Variants in CLK3 observed in about 807,000 individuals in gnomAD.
CLK3 encodes the protein dual specificity protein kinase CLK3.
CLK3 carries 24 observed loss-of-function variants against 65.2 expected under a neutral mutation model. The observed-to-expected ratio is 0.37, with a 90% CI of 0.27 to 0.52. The LOEUF (loss-of-function observed/expected upper bound fraction) is 0.52, where lower values mean the gene tolerates loss of function less well. Among genes scored for constraint, CLK3 ranks in the 20% least tolerant of loss-of-function variants. The pLI, the probability that CLK3 is intolerant of heterozygous loss-of-function variation, is 0.92. For missense variants in CLK3, 506 were observed against 660.0 expected (o/e 0.77, Z 2.56); for synonymous variants, 252 against 240.8 (o/e 1.05, Z -0.43).
upstream of CLK3, among the ~76,000 whole-genome samples, chr15:74,611,288 T>A (rs987624695): frequency 6.6e-6 from 1 of 152,242 alleles, no homozygotes; most frequent in Non-Finnish European, 1.5e-5. Context: ...TGGCACCAGA[T>A]GTGGACACCA....
chr15:74,625,668 T>C (rs2141549243), intron 6 of CLK3, 134 bp from the exon 7 acceptor site: 1 of 866,040 alleles, frequency 1.2e-6, no homozygotes, highest in Non-Finnish European at 1.8e-6. Context: ...TGATTTCTCT[T>C]GCACTGTGTG....
chr15:74,617,035 GGAT>G (rs974576756), intron 1 of CLK3, among the ~76,000 whole-genome samples: 8 of 152,356 alleles, frequency 5.3e-5, no homozygotes, highest in African/African-American at 1.9e-4. Context: ...CTGGCTGGGA[GGAT>G]GATATCTGCT....
At chr15:74,626,877 C>A (rs866120296) in intron 7 of CLK3, 2 of 411,558 alleles carry the variant, frequency 4.9e-6, no homozygotes, top group Admixed American at 5.1e-5. Flanking sequence ...CCTGGGTATG[C>A]GACCTGTGCA....
At chr15:74,617,750 C>T (rs980000225) in intron 1 of CLK3, among the ~76,000 whole-genome samples, 13 of 152,328 alleles carry the variant, frequency 8.5e-5, no homozygotes, top group Non-Finnish European at 1.6e-4. Flanking sequence ...ACGACATGTG[C>T]CCTGGCCAAT....
chr15:74,627,003 T>G lies in CLK3; in HGVS notation c.818-349T>G, dbSNP rs563428732. The G allele has an allele frequency of 2.1e-6, 1 of 478,110 alleles. No homozygotes were observed. Among genetic ancestry groups the G allele is most frequent in the Admixed American group, 2.3e-5 (1 of 43,198 alleles). 29.6% of individuals were successfully genotyped at this position (478,110 alleles called of 1,614,324 possible). The stretch of plus-strand genomic sequence containing the variant: ...ATTTTGCAAAGGGCCCTGCAAATTA[T>G]GTAGCTGGTGCAGGGAAGAGGGAAC... On this transcript the variant is annotated intron_variant, in intron 7 of 12. Transcript: ENST00000395066. This position sits in a 1 kb window ranked among gnomAD's most constrained non-coding sequence, Gnocchi z 4.3.
At position 74,622,216 on chromosome 15, in the gene CLK3, T is replaced by C. The variant is rs755407836; in HGVS notation, c.466T>C (p.Tyr156His). The C allele has an allele frequency of 6.2e-7, 1 of 1,611,940 alleles. No homozygotes were observed. ...CRIGDWLQERYEIVGNLGEGT... is the reference protein window; with the variant it reads ...CRIGDWLQERHEIVGNLGEGT... Reference sequence around the variant, plus strand: ...GATCGGCGATTGGCTCCAAGAGCGATGTACAGCCACCTTTCGTAAAACTTT... The same window carrying C: ...GATCGGCGATTGGCTCCAAGAGCGACGTACAGCCACCTTTCGTAAAACTTT... Residue 156 changes from tyrosine to histidine, a missense_variant and splice_region_variant, in exon 4 of 13, where the codon TAT becomes CAT. Physicochemically the swap from Tyr to His is moderately conservative, Grantham distance 83. Transcript: ENST00000395066. The surrounding 1 kb of genome is among the most constrained non-coding windows in gnomAD (Gnocchi z 4.6).
At position 74,624,546 on chromosome 15, in the gene CLK3, T is replaced by TCATTAAGAA; in HGVS notation, c.534-356_534-355insCATTAAGAA. On this transcript the variant is annotated intron_variant, in intron 5 of 12. Coordinates refer to ENST00000395066, the MANE Select transcript of CLK3 (RefSeq NM_001130028.2). This position sits in a 1 kb window ranked among gnomAD's most constrained non-coding sequence, Gnocchi z 4.2. Reference sequence around the variant, plus strand: ...CTCGGTGGGACAGCCTGGCCAGGGTTGGGGCTGCCTGGCCTATAGGTTAGG... The same window carrying TCATTAAGAA: ...CTCGGTGGGACAGCCTGGCCAGGGTTCATTAAGAAGGGGCTGCCTGGCCTATAGGTTAGG... 1 of 203,948 alleles carries TCATTAAGAA rather than the reference T, an allele frequency of 4.9e-6. No individual in the cohort carries two copies. Among genetic ancestry groups the TCATTAAGAA allele is most frequent in the Admixed American group, 6.0e-5 (1 of 16,792 alleles). 12.6% of individuals were successfully genotyped at this position (203,948 alleles called of 1,614,324 possible). A position where few individuals can be genotyped will look rare whatever the true frequency, so the allele number is the denominator to read the frequency against.
chr15:74,613,648 AC>A (rs2062018946), upstream of CLK3: 1 of 152,210 alleles, frequency 6.6e-6, no homozygotes, highest in East Asian at 1.9e-4. Context: ...TGACTAACTT[AC>A]CCCATCAGAG....
intron 1 of CLK3, chr15:74,608,801 T>G (rs1016270217): frequency 1.3e-5 from 2 of 152,076 alleles, no homozygotes; most frequent in Non-Finnish European, 2.9e-5. Flanking sequence ...TCTGGGCCAT[T>G]CCCCCTCAGC....
chr15:74,628,338 C>T (rs115486150), intron 10 of CLK3, among the ~76,000 whole-genome samples: 3,464 of 152,130 alleles, frequency 0.023, 132 homozygotes, highest in African/African-American at 0.079. Context: ...CTAAAGGCAT[C>T]GGGATGGGCT....
At chr15:74,616,215 C>T (rs1410179074) in intron 1 of CLK3, among the ~76,000 whole-genome samples, 2 of 152,246 alleles carry the variant, frequency 1.3e-5, no homozygotes, top group Non-Finnish European at 2.9e-5. Flanking sequence ...GCCAGAGAAG[C>T]CCTTCAGACC....
At chr15:74,611,565 T>C (rs954520878), upstream of CLK3, among the ~76,000 whole-genome samples, 6 of 152,218 alleles carry the variant, frequency 3.9e-5, no homozygotes, top group African/African-American at 1.4e-4. Flanking sequence ...CAGGTCCTTC[T>C]CTGCCCGCCT....
At position 74,622,341 on chromosome 15, in the gene CLK3, G is replaced by C; in HGVS notation, c.466+125G>C. 2 of 1,043,290 alleles carry C rather than the reference G, an allele frequency of 1.9e-6. No individual in the cohort carries two copies. Among genetic ancestry groups the C allele is most frequent in the South Asian group, 1.5e-5 (1 of 68,280 alleles). 64.6% of individuals were successfully genotyped at this position (1,043,290 alleles called of 1,614,324 possible). On this transcript the variant is annotated intron_variant, in intron 4 of 12. Coordinates refer to ENST00000395066, the MANE Select transcript of CLK3 (RefSeq NM_001130028.2). This position sits in a 1 kb window ranked among gnomAD's most constrained non-coding sequence, Gnocchi z 4.6. ...TTAGCGGGGCCACCAGTAATTGCCT[G>C]AATGACACAGACACTAGCAACTTCC...
At chr15:74,608,458 C>T (rs1217380202) in intron 1 of CLK3, 1 of 152,304 alleles carries the variant, frequency 6.6e-6, no homozygotes, top group African/African-American at 2.4e-5. Context: ...ACCCCCACCC[C>T]ACTCCCTTTC....
Position 74,627,819 on chromosome 15 carries a change from G to T in CLK3, c.1042+151G>T, listed in dbSNP as rs2062156375. ...CCAGTGTCATGAGACACAGGTGACT[G>T]ACCTGGCTTTATCTGTCAGCCTTAC... On this transcript the variant is annotated intron_variant, in intron 9 of 12. Transcript: ENST00000395066. The surrounding 1 kb of genome is among the most constrained non-coding windows in gnomAD (Gnocchi z 4.3). 7.9e-7 allele frequency: 1 copy of T among 1,266,220 alleles called. No individual in the cohort carries two copies. Among genetic ancestry groups the T allele is most frequent in the Middle Eastern group, 1.9e-4 (1 of 5,204 alleles). The allele number at this position is 1,266,220 out of a possible 1,614,324, so 78.4% of individuals were successfully genotyped here. A position where few individuals can be genotyped will look rare whatever the true frequency, so the allele number is the denominator to read the frequency against.
rs1429993867 is a variant in CLK3, at chr15:74,622,585, T to C, written c.533+25T>C. 5 of 1,573,508 alleles carry C rather than the reference T, an allele frequency of 3.2e-6. No homozygotes were observed. In the East Asian group the frequency reaches 1.1e-4, roughly 35 times the overall value. ...GGTGAGCGAGCTGCGGCAGTACAGC[T>C]GGCTCCGGATGTGATCTTCCTGGGA... On this transcript the variant is annotated intron_variant, in intron 5 of 12. Coordinates refer to ENST00000395066, the MANE Select transcript of CLK3 (RefSeq NM_001130028.2). This position sits in a 1 kb window ranked among gnomAD's most constrained non-coding sequence, Gnocchi z 4.6.
chr15:74,622,052 C>CA lies in CLK3; in HGVS notation c.370-66dup. ...CCACCTCTGCCTTTGACTGACACCTCAATCTGTCAATCGGAACCGCCTACC... is the reference window on the plus strand; with the variant it reads ...CCACCTCTGCCTTTGACTGACACCTCAAATCTGTCAATCGGAACCGCCTACC... On this transcript the variant is annotated intron_variant, in intron 3 of 12. Coordinates refer to ENST00000395066, the MANE Select transcript of CLK3 (RefSeq NM_001130028.2). This position sits in a 1 kb window ranked among gnomAD's most constrained non-coding sequence, Gnocchi z 4.6. 1 of 1,454,326 alleles carries CA rather than the reference C, an allele frequency of 6.9e-7. No individual in the cohort carries two copies. 90.1% of individuals were successfully genotyped at this position (1,454,326 alleles called of 1,614,324 possible). A position where few individuals can be genotyped will look rare whatever the true frequency, so the allele number is the denominator to read the frequency against.
chr15:74,615,483 A>G, upstream of CLK3: 2 of 1,314,378 alleles, frequency 1.5e-6, no homozygotes, highest in South Asian at 2.1e-5. Context: ...CGCAGGAGGG[A>G]GTTGGCGGAC....
Position 74,622,765 on chromosome 15 carries a change from G to A in CLK3, c.533+205G>A, listed in dbSNP as rs1008685233. On this transcript the variant is annotated intron_variant, in intron 5 of 12. Coordinates refer to ENST00000395066, the MANE Select transcript of CLK3 (RefSeq NM_001130028.2). This position sits in a 1 kb window ranked among gnomAD's most constrained non-coding sequence, Gnocchi z 4.6. ...AAATTCTTGGGTCCTGCAGTTATGT[G>A]GCATCCCTACCCAAGAATTGTTGGT... Among the ~76,000 whole-genome samples, 13 of 152,140 alleles carry A rather than the reference G, an allele frequency of 8.5e-5. No homozygotes were observed. The highest frequency in any genetic ancestry group is 2.7e-4 in the African/African-American group (11 of 41,410).
Sources: allele counts gnomAD v4.1 joint callset (sites outside exome capture counted in the v4.1 genomes callset), GRCh38; gene constraint gnomAD v4.1.1; non-coding constraint Gnocchi (gnomAD v3.1); transcripts MANE v1.5; gene names NCBI Gene and HGNC (gene_info 2026-07-23, HGNC 2026-07-21).